The following OPRM1 variants were observed in gnomAD, a reference collection of about 807,000 sequenced individuals.
OPRM1 encodes the protein mu-type opioid receptor.
In OPRM1, 27 loss-of-function variants were observed where a neutral mutation model predicts 31.8. The ratio of observed to expected loss-of-function variants is 0.85; its 90% confidence interval spans 0.63 to 1.17. The LOEUF (loss-of-function observed/expected upper bound fraction) is 1.17, where lower values mean the gene tolerates loss of function less well. OPRM1 is among the 50% of genes most tolerant of loss of function. OPRM1 has a pLI of 0.00. For synonymous variants in OPRM1, 196 were observed against 189.9 expected, an observed-to-expected ratio of 1.03 and a Z score of -0.26; for missense variants, 536 against 511.1, an observed-to-expected ratio of 1.05 and a Z score of -0.47.
chr6:154,022,337 C>T (rs1778424099), intron 1 of OPRM1, among the ~76,000 whole-genome samples: 1 of 152,072 alleles, frequency 6.6e-6, no homozygotes, highest in South Asian at 2.1e-4. Context: ...GATTCAAATC[C>T]TGGAGTAATT....
At chr6:154,166,549 C>A (rs981606255) in intron 3 of OPRM1, among the ~76,000 whole-genome samples, 1 of 152,180 alleles carries the variant, frequency 6.6e-6, no homozygotes. Flanking sequence ...CCTAATGCCT[C>A]CAGTAATCCA....
chr6:154,229,619 G>A (rs1391033131), intron 3 of OPRM1, among the ~76,000 whole-genome samples: 2 of 151,954 alleles, frequency 1.3e-5, no homozygotes, highest in African/African-American at 4.8e-5. Flanking sequence ...GCCTCCCAAT[G>A]TGCTGGGATT....
Position 154,118,897 on chromosome 6 carries a change from A to C in OPRM1, c.*176A>C, listed in dbSNP as rs1797149872. 2.1e-6 allele frequency: 3 copies of C among 1,420,282 alleles called. No individual in the cohort carries two copies. The highest frequency in any genetic ancestry group is 2.7e-6 in the Non-Finnish European group (3 of 1,091,764). The allele number at this position is 1,420,282 out of a possible 1,614,324, so 88.0% of individuals were successfully genotyped here. A position where few individuals can be genotyped will look rare whatever the true frequency, so the allele number is the denominator to read the frequency against. On this transcript the variant is annotated 3_prime_UTR_variant, in exon 4 of 4. Coordinates refer to ENST00000330432, the MANE Select transcript of OPRM1 (RefSeq NM_000914.5). ...CTCTGCACATTAGAGGGACAGCCAA[A>C]AGTAAGTGGAGCATTTGGAAGGAAA...
At chr6:154,054,574 C>A (rs1456205060) in intron 1 of OPRM1, among the ~76,000 whole-genome samples, 1 of 152,080 alleles carries the variant, frequency 6.6e-6, no homozygotes, top group African/African-American at 2.4e-5. Context: ...TTTAACGGAT[C>A]TGTCCTTATA....
In OPRM1 at chr6:154,121,913, A is replaced by G. The variant is rs1158182284; in HGVS notation, c.*3192A>G. Among the ~76,000 whole-genome samples, 2 of 152,212 alleles carry G rather than the reference A, an allele frequency of 1.3e-5. No homozygotes were observed. The highest frequency in any genetic ancestry group is 2.9e-5 in the Non-Finnish European group (2 of 68,032). The stretch of plus-strand genomic sequence containing the variant: ...TAAATGTTTTATCTAAATATGTGGA[A>G]ATGATAAGATGCGTACTGCATCTCT... On this transcript the variant is annotated 3_prime_UTR_variant, in exon 4 of 4. Coordinates refer to ENST00000330432, the MANE Select transcript of OPRM1 (RefSeq NM_000914.5).
At chr6:154,159,200 G>C (rs1045869979) in intron 3 of OPRM1, 2 of 152,862 alleles carry the variant, frequency 1.3e-5, no homozygotes, top group African/African-American at 4.8e-5. Context: ...AAAACACCAA[G>C]CTGTCCTTTG....
intron 1 of OPRM1, among the ~76,000 whole-genome samples, chr6:154,050,576 G>C (rs763601379): frequency 6.6e-6 from 1 of 151,832 alleles, no homozygotes; most frequent in African/African-American, 2.4e-5. Context: ...AACTTAGAGA[G>C]TAGAAGGATG....
intron 3 of OPRM1, among the ~76,000 whole-genome samples, chr6:154,140,139 T>C (rs12660296): frequency 0.26 from 39,519 of 151,966 alleles, 5,462 homozygotes; most frequent in African/African-American, 0.34. Context: ...ATTCAGTGAA[T>C]GGGAGTCAGG....
chr6:154,223,297 G>T, intron 3 of OPRM1: 1 of 1,328,216 alleles, frequency 7.5e-7, no homozygotes, highest in Non-Finnish European at 1.1e-6. Context: ...CTGGGGATTA[G>T]TGCATTGAGA....
At chr6:154,242,030 A>G (rs1189904478) in intron 3 of OPRM1, among the ~76,000 whole-genome samples, 1 of 152,162 alleles carries the variant, frequency 6.6e-6, no homozygotes, top group Non-Finnish European at 1.5e-5. Context: ...AAATTCCCTG[A>G]GCTTCAGTAA....
chr6:154,172,462 C>G (rs9479775), intron 3 of OPRM1, among the ~76,000 whole-genome samples: 11,935 of 152,244 alleles, frequency 0.078, 627 homozygotes, highest in African/African-American at 0.14. Context: ...CCACAGTCTT[C>G]GCAACCAGCA....
At chr6:154,051,443 G>A (rs1782176712) in intron 1 of OPRM1, among the ~76,000 whole-genome samples, 2 of 152,096 alleles carry the variant, frequency 1.3e-5, no homozygotes, top group African/African-American at 4.8e-5. Flanking sequence ...ATGATTCTGA[G>A]GTAAGACTCT....
chr6:154,188,815 A>G (rs1382812777), intron 3 of OPRM1, among the ~76,000 whole-genome samples: 1 of 152,224 alleles, frequency 6.6e-6, no homozygotes, highest in African/African-American at 2.4e-5. Context: ...TTGCATATGG[A>G]GTAAGATGAT....
chr6:154,184,091 T>C (rs1801131072), intron 3 of OPRM1, among the ~76,000 whole-genome samples: 1 of 152,020 alleles, frequency 6.6e-6, no homozygotes, highest in South Asian at 2.1e-4. Flanking sequence ...GCTGTTGTTG[T>C]TGCTTTATTT....
intron 1 of OPRM1, chr6:154,074,338 A>G (rs1166747149): frequency 6.6e-6 from 1 of 152,266 alleles, no homozygotes; most frequent in Non-Finnish European, 1.5e-5. Flanking sequence ...GTGTTTGTTA[A>G]ATAAACGAAC....
chr6:154,167,512 A>C (rs141294829), intron 3 of OPRM1, among the ~76,000 whole-genome samples: 3 of 152,328 alleles, frequency 2.0e-5, no homozygotes, highest in African/African-American at 7.2e-5. Context: ...CCTTGTATGA[A>C]TCAGATGAAA....
At chr6:154,135,478 T>TATATAGATAGATATAG (rs1554283089), downstream of OPRM1, among the ~76,000 whole-genome samples, 6 of 143,290 alleles carry the variant, frequency 4.2e-5, no homozygotes, top group Non-Finnish European at 9.2e-5. Flanking sequence ...TAAAAAAAAA[T>TATATAGATAGATATAG]ATATAGATAG....
intron 1 of OPRM1, among the ~76,000 whole-genome samples, chr6:154,064,255 A>T (rs1020571987): frequency 3.3e-5 from 5 of 152,132 alleles, no homozygotes; most frequent in African/African-American, 1.2e-4. Flanking sequence ...TCATATGCTT[A>T]TTATCCATTC....
At chr6:154,182,551 G>A (rs183969158) in intron 3 of OPRM1, among the ~76,000 whole-genome samples, 45 of 152,170 alleles carry the variant, frequency 3.0e-4, no homozygotes, top group South Asian at 1.7e-3. Flanking sequence ...ATTTAAAGTA[G>A]ACATAAAATT....
Sources: allele counts gnomAD v4.1 joint callset (sites outside exome capture counted in the v4.1 genomes callset), GRCh38; gene constraint gnomAD v4.1.1; transcripts MANE v1.5; gene names NCBI Gene and HGNC (gene_info 2026-07-23, HGNC 2026-07-21).